Variants in CDKAL1 observed in about 807,000 individuals in gnomAD.
The protein encoded by CDKAL1 is CDKAL1 threonylcarbamoyladenosine tRNA methylthiotransferase, also known as threonylcarbamoyladenosine tRNA methylthiotransferase.
A neutral mutation model predicts 68.2 loss-of-function variants in CDKAL1; 32 were observed. The observed-to-expected ratio is 0.47, with a 90% confidence interval of 0.35 to 0.63. The LOEUF is 0.63. Among genes scored for constraint, CDKAL1 ranks in the 30% least tolerant of loss-of-function variants. CDKAL1 has a pLI of 0.00. For missense variants in CDKAL1, 606 were observed against 696.7 expected, an observed-to-expected ratio of 0.87 and a Z score of 1.47; for synonymous variants, 234 against 244.3, an observed-to-expected ratio of 0.96 and a Z score of 0.39.
At chr6:21,067,628 A>ATAT (rs1220474753) in intron 12 of CDKAL1, among the ~76,000 whole-genome samples, 1 of 152,164 alleles carries the variant, frequency 6.6e-6, no homozygotes, top group Non-Finnish European at 1.5e-5. Context: ...CAAAATCCCA[A>ATAT]TATTAGTATT....
At chr6:20,656,080 C>A (rs78261089) in intron 5 of CDKAL1, among the ~76,000 whole-genome samples, 1 of 150,538 alleles carries the variant, frequency 6.6e-6, no homozygotes, top group East Asian at 1.9e-4. Context: ...ATCTGTTTTA[C>A]AGATGAAGGT....
chr6:20,593,623 C>A lies in CDKAL1; in HGVS notation c.286+44918C>A, dbSNP rs932483600. Among the ~76,000 whole-genome samples, 696 of 147,532 alleles carry A rather than the reference C, an allele frequency of 4.7e-3. 7 individuals are homozygous for A. The highest frequency in any genetic ancestry group is 0.016 in the African/African-American group (648 of 40,118). ...TAATCTTTAAAAAAAAAAAAAGAAA[C>A]CCAGCTCCTGGATTCATTGATTTTT... On this transcript the variant is annotated intron_variant, in intron 4 of 15. Coordinates refer to ENST00000274695, the MANE Select transcript of CDKAL1 (RefSeq NM_017774.3).
intron 4 of CDKAL1, among the ~76,000 whole-genome samples, chr6:20,574,842 T>C (rs1185106270): frequency 1.3e-5 from 2 of 152,064 alleles, no homozygotes; most frequent in African/African-American, 4.8e-5. Flanking sequence ...TTCCATTTGG[T>C]GGTGTGTTAT....
At chr6:20,626,190 C>T (rs971192576) in intron 4 of CDKAL1, among the ~76,000 whole-genome samples, 1 of 151,916 alleles carries the variant, frequency 6.6e-6, no homozygotes, top group Admixed American at 6.6e-5. Context: ...TTCTTTTTTT[C>T]CAATGCCTCT....
At chr6:21,159,131 A>G (rs1398697826) in intron 13 of CDKAL1, among the ~76,000 whole-genome samples, 1 of 138,716 alleles carries the variant, frequency 7.2e-6, no homozygotes, top group East Asian at 2.0e-4. Flanking sequence ...TTTTTTAATG[A>G]CTCCTGTAAT....
At chr6:20,951,831 T>C (rs1266942876) in intron 9 of CDKAL1, among the ~76,000 whole-genome samples, 2 of 152,148 alleles carry the variant, frequency 1.3e-5, no homozygotes, top group Non-Finnish European at 2.9e-5. Context: ...CTAATTTCTG[T>C]CTCCTACTTT....
intron 10 of CDKAL1, among the ~76,000 whole-genome samples, chr6:20,993,966 T>G (rs1330907547): frequency 6.6e-6 from 1 of 152,182 alleles, no homozygotes; most frequent in Non-Finnish European, 1.5e-5. Context: ...ACATACTTTT[T>G]CCATGCTCGC....
intron 11 of CDKAL1, among the ~76,000 whole-genome samples, chr6:21,040,950 C>T (rs1392501630): frequency 1.3e-5 from 2 of 152,052 alleles, no homozygotes; most frequent in African/African-American, 4.8e-5. Flanking sequence ...ATAAGCCCTC[C>T]GGGAGGGACC....
rs60342057 is a variant in CDKAL1 at position 21,069,804 on chromosome 6, T to TTTTTTTA, written c.1236+4576_1236+4577insTTTTTTA. Among the ~76,000 whole-genome samples the TTTTTTTA allele has an allele frequency of 2.9e-3, 247 of 85,474 alleles. 13 individuals are homozygous for TTTTTTTA. The highest frequency in any genetic ancestry group is 3.0e-3 in the Non-Finnish European group (136 of 44,814). The allele number at this position is 85,474 out of a possible 152,430, so 56.1% of individuals were successfully genotyped here. A position where few individuals can be genotyped will look rare whatever the true frequency, so the allele number is the denominator to read the frequency against. Reference sequence around the variant, plus strand: ...TTTTTTTTTTTTTTTTTTTTTTTTTTAAAACAGAGCCTTGCTCTGTCACCC... The same window carrying TTTTTTTA: ...TTTTTTTTTTTTTTTTTTTTTTTTTTTTTTTTAAAAACAGAGCCTTGCTCTGTCACCC... On this transcript the variant is annotated intron_variant, in intron 12 of 15. Coordinates refer to ENST00000274695, the MANE Select transcript of CDKAL1 (RefSeq NM_017774.3).
chr6:21,198,188 G>A (rs1778545229), intron 14 of CDKAL1, 84 bp downstream of exon 14: 1 of 883,272 alleles, frequency 1.1e-6, no homozygotes, highest in Admixed American at 2.2e-5. Flanking sequence ...TTAAAGGGGA[G>A]AGTGTTGAAT....
chr6:20,759,793 T>C (rs1361007693), intron 7 of CDKAL1, among the ~76,000 whole-genome samples: 2 of 152,232 alleles, frequency 1.3e-5, no homozygotes, highest in African/African-American at 4.8e-5. Flanking sequence ...TGGTATAATT[T>C]TAAATTTTTA....
chr6:21,052,540 T>G (rs1470018049), intron 11 of CDKAL1, among the ~76,000 whole-genome samples: 3 of 150,924 alleles, frequency 2.0e-5, no homozygotes, highest in South Asian at 2.1e-4. Context: ...ATTGGTTGTT[T>G]TTTTTTTTTT....
At chr6:20,735,944 A>T (rs977641481) in intron 5 of CDKAL1, among the ~76,000 whole-genome samples, 3 of 152,188 alleles carry the variant, frequency 2.0e-5, no homozygotes, top group African/African-American at 7.2e-5. Flanking sequence ...ACACTTTGAC[A>T]CTGCTGCATC....
chr6:21,023,969 G>A (rs972067332), intron 11 of CDKAL1, among the ~76,000 whole-genome samples: 6 of 152,054 alleles, frequency 3.9e-5, no homozygotes, highest in African/African-American at 1.4e-4. Flanking sequence ...AACTGTCCTT[G>A]GCTGAAGAAA....
At chr6:21,182,048 A>G (rs1286530581) in intron 13 of CDKAL1, among the ~76,000 whole-genome samples, 2 of 152,246 alleles carry the variant, frequency 1.3e-5, no homozygotes, top group African/African-American at 4.8e-5. Flanking sequence ...TCTAACTTAC[A>G]CAGTATCCTG....
At chr6:20,896,126 G>C (rs1325340677) in intron 9 of CDKAL1, among the ~76,000 whole-genome samples, 3 of 113,302 alleles carry the variant, frequency 2.6e-5, no homozygotes, top group Admixed American at 2.3e-4. Flanking sequence ...TTTTGAGATG[G>C]AGTCTTGCTC....
chr6:21,042,654 T>A (rs1769996430), intron 11 of CDKAL1, among the ~76,000 whole-genome samples: 1 of 152,144 alleles, frequency 6.6e-6, no homozygotes, highest in Non-Finnish European at 1.5e-5. Context: ...ACTGTCACTA[T>A]CCTATTTGAC....
chr6:20,957,713 G>A (rs1581912610), intron 10 of CDKAL1, among the ~76,000 whole-genome samples: 2 of 152,252 alleles, frequency 1.3e-5, no homozygotes, highest in South Asian at 4.2e-4. Context: ...GCTCACACCT[G>A]TAATCCCAGC....
At chr6:21,215,733 G>A (rs1779318965) in intron 15 of CDKAL1, among the ~76,000 whole-genome samples, 1 of 152,080 alleles carries the variant, frequency 6.6e-6, no homozygotes, top group Non-Finnish European at 1.5e-5. Context: ...TTTTCTCTGA[G>A]GTACAATTGT....
Sources: allele counts gnomAD v4.1 joint callset (sites outside exome capture counted in the v4.1 genomes callset), GRCh38; gene constraint gnomAD v4.1.1; transcripts MANE v1.5; gene names NCBI Gene and HGNC (gene_info 2026-07-23, HGNC 2026-07-21).